CSN3: variants seen among roughly 807,000 people sequenced by gnomAD.
CSN3 encodes the protein casein kappa, also known as kappa-casein.
In CSN3, 7 loss-of-function variants were observed where a neutral mutation model predicts 9.9. The observed-to-expected ratio is 0.71, with a 90% confidence interval of 0.40 to 1.33. The LOEUF (loss-of-function observed/expected upper bound fraction) is 1.33, where lower values mean the gene tolerates loss of function less well. Among genes scored for constraint, CSN3 ranks in the 40% most tolerant of loss-of-function variants. CSN3 has a pLI of 0.01. For missense variants in CSN3, 253 were observed against 227.9 expected (o/e 1.11, Z -0.71); for synonymous variants, 88 against 82.3 (o/e 1.07, Z -0.37).
chr4:70,249,372 T>G (rs1156315101), exon 4 of CSN3: 2 of 1,614,066 alleles, frequency 1.2e-6, no homozygotes, highest in Non-Finnish European at 1.7e-6. Context: ...CGGTGGACAG[T>G]GTAGTCACTC....
chr4:70,240,756 A>G (rs1473284469), upstream of CSN3, among the ~76,000 whole-genome samples: 1 of 152,052 alleles, frequency 6.6e-6, no homozygotes, highest in Non-Finnish European at 1.5e-5. Context: ...AGAGATGTTT[A>G]CCTGCTTTGG....
upstream of CSN3, among the ~76,000 whole-genome samples, chr4:70,239,684 C>G (rs1165817484): frequency 1.3e-5 from 2 of 151,898 alleles, no homozygotes; most frequent in African/African-American, 2.4e-5. Context: ...TAGATAATCT[C>G]TACAAACAGA....
At position 70,244,174 on chromosome 4, in the gene CSN3, CTGT is replaced by C. The variant is rs1730326623; in HGVS notation, c.-8-633_-8-631del. On this transcript the variant is annotated intron_variant, in intron 1 of 4. Coordinates refer to ENST00000304954, the Ensembl canonical transcript of CSN3. Reference sequence around the variant, plus strand: ...TAGTCCAAAAACACTCAATTGTTTTCTGTTGTTTATAAAGCCATGCCTAGCTTT... The same window carrying C: ...TAGTCCAAAAACACTCAATTGTTTTCTGTTTATAAAGCCATGCCTAGCTTT... 2.0e-5 allele frequency among the ~76,000 whole-genome samples: 3 copies of C among 152,148 alleles called. No homozygotes were observed. The South Asian group carries it at 6.2e-4, about 32-fold the overall frequency.
chr4:70,248,410 T>C (rs1460683055), intron 3 of CSN3, among the ~76,000 whole-genome samples: 1 of 152,164 alleles, frequency 6.6e-6, no homozygotes, highest in African/African-American at 2.4e-5. Context: ...CTTTATCTAA[T>C]CTTTTGTGAA....
chr4:70,240,980 G>A (rs914908819), upstream of CSN3, among the ~76,000 whole-genome samples: 5 of 151,936 alleles, frequency 3.3e-5, no homozygotes, highest in African/African-American at 1.2e-4. Context: ...AGCACTCTCA[G>A]ATGTTCTTAA....
At chr4:70,243,016 C>G (rs1418504462) in intron 1 of CSN3, 1 of 188,644 alleles carries the variant, frequency 5.3e-6, no homozygotes, top group African/African-American at 2.4e-5. Flanking sequence ...CAATTAACCC[C>G]TTAATTACTT....
upstream of CSN3, among the ~76,000 whole-genome samples, chr4:70,242,197 C>CA (rs1164378030): frequency 6.6e-6 from 1 of 151,104 alleles, no homozygotes; most frequent in African/African-American, 2.4e-5. Context: ...TCTTTATAAA[C>CA]AAAAAAAGAT....
intron 2 of CSN3, among the ~76,000 whole-genome samples, chr4:70,246,160 T>G (rs1730372369): frequency 6.6e-6 from 1 of 152,178 alleles, no homozygotes; most frequent in Non-Finnish European, 1.5e-5. Flanking sequence ...CCATGTTATA[T>G]GTACTATTTT....
chr4:70,244,823 AAG>A lies in CSN3; in HGVS notation c.7_8del (p.Ser3PhefsTer29). ...AAATTTATCTTTAGGTGCAATAATG[AAG>A]AGTTTTCTTCTAGTTGTCAATGCCC... On this transcript the variant is annotated frameshift_variant, in exon 2 of 5. Coordinates refer to ENST00000304954, the Ensembl canonical transcript of CSN3. LOFTEE classifies it high-confidence loss of function. 1.3e-6 allele frequency: 2 copies of A among 1,547,554 alleles called. No individual in the cohort carries two copies. The highest frequency in any genetic ancestry group is 1.7e-6 in the Non-Finnish European group (2 of 1,147,742).
At chr4:70,249,546 G>GGTTGT in intron 4 of CSN3, 53 bp downstream of exon 4, 1 of 1,037,668 alleles carries the variant, frequency 9.6e-7, no homozygotes, top group Non-Finnish European at 1.4e-6. Context: ...ATGGATTTAT[G>GGTTGT]AATACAACCA....
At chr4:70,245,832 G>A (rs561372774) in intron 2 of CSN3, among the ~76,000 whole-genome samples, 182 of 152,176 alleles carry the variant, frequency 1.2e-3, no homozygotes, top group Non-Finnish European at 2.3e-3. Context: ...AATTCTTGGA[G>A]TCAAAATTAC....
exon 4 of CSN3, chr4:70,249,143 G>T (rs577013157): frequency 6.2e-7 from 1 of 1,613,828 alleles, no homozygotes; most frequent in African/African-American, 1.3e-5. Context: ...TATGTGCCTC[G>T]CACATATTAT....
intron 1 of CSN3, among the ~76,000 whole-genome samples, chr4:70,243,391 A>G (rs3775753): frequency 0.09 from 13,670 of 152,202 alleles, 799 homozygotes; most frequent in Middle Eastern, 0.14. Flanking sequence ...CATCCCACTT[A>G]AAGAAATATG....
chr4:70,242,943 G>A (rs571721845), intron 1 of CSN3, among the ~76,000 whole-genome samples: 2 of 152,038 alleles, frequency 1.3e-5, no homozygotes, highest in Non-Finnish European at 2.9e-5. Flanking sequence ...GGCGTTTAAC[G>A]TATTCCTACA....
upstream of CSN3, among the ~76,000 whole-genome samples, chr4:70,240,232 T>C (rs1730244714): frequency 6.6e-6 from 1 of 152,008 alleles, no homozygotes. Context: ...ATGTCACTTA[T>C]TGCAAAATGT....
At chr4:70,249,091 A>C (rs1254592803) in exon 4 of CSN3, 1 of 1,614,000 alleles carries the variant, frequency 6.2e-7, no homozygotes, top group East Asian at 2.2e-5. Context: ...TTATGGAACC[A>C]ATTTGTACCA....
At chr4:70,242,576 T>G (rs937458523), upstream of CSN3, 1 of 151,882 alleles carries the variant, frequency 6.6e-6, no homozygotes, top group South Asian at 2.1e-4. Context: ...ACCCTTTAAT[T>G]GGTCTTCAGT....
In CSN3 at chr4:70,244,865, C is replaced by A. The variant is rs374280097; in HGVS notation, c.46C>A (p.Pro16Thr). ...TGTCAATGCCCTGGCATTAACCCTG[C>A]CTTTTTTGGTAAGTTAATTTCATCT... The change falls in exon 2 of 5, where the codon CCT becomes ACT. Residue 16 changes from proline to threonine, a missense_variant. Transcript: ENST00000304954. 811 of 1,564,544 alleles carry A rather than the reference C, an allele frequency of 5.2e-4. 10 individuals carry two copies. In the South Asian group the frequency reaches 9.4e-3, roughly 18 times the overall value.
chr4:70,239,902 T>G (rs976210952), upstream of CSN3, among the ~76,000 whole-genome samples: 1 of 151,994 alleles, frequency 6.6e-6, no homozygotes, highest in African/African-American at 2.4e-5. Flanking sequence ...AGCATACACA[T>G]TTCTTTTTTG....
Sources: allele counts gnomAD v4.1 joint callset (sites outside exome capture counted in the v4.1 genomes callset), GRCh38; gene constraint gnomAD v4.1.1; transcripts MANE v1.5; gene names NCBI Gene and HGNC (gene_info 2026-07-23, HGNC 2026-07-21).